The following DOCK9 variants were observed in gnomAD, a reference collection of about 807,000 sequenced individuals.
The protein encoded by DOCK9 is dedicator of cytokinesis 9, also known as dedicator of cytokinesis protein 9.
Under a neutral mutation model 263.3 loss-of-function variants are expected in DOCK9, and 89 were observed. The observed-to-expected ratio is 0.34, with a 90% CI of 0.28 to 0.40. The LOEUF (loss-of-function observed/expected upper bound fraction) is 0.40. DOCK9 is among the 10% of genes least tolerant of loss of function. The probability of loss-of-function intolerance (pLI) is 1.00; values close to 1 mark genes in which losing one functional copy is unlikely to be tolerated. For synonymous variants in DOCK9, 976 were observed against 973.1 expected (o/e 1.00, Z -0.06); for missense variants, 2,140 against 2,603.4 (o/e 0.82, Z 3.87).
chr13:98,821,109 T>C (rs543565818), intron 45 of DOCK9, among the ~76,000 whole-genome samples: 1 of 152,236 alleles, frequency 6.6e-6, no homozygotes, highest in African/African-American at 2.4e-5. Context: ...GAGGATCACC[T>C]GTACTTTCTA....
intron 1 of DOCK9, among the ~76,000 whole-genome samples, chr13:99,046,100 C>CAA (rs35917523): frequency 0.038 from 4,216 of 111,958 alleles, 108 homozygotes; most frequent in South Asian, 0.13. Context: ...GACTCAGTCT[C>CAA]AAAAAAAAAA....
intron 1 of DOCK9, among the ~76,000 whole-genome samples, chr13:99,084,448 C>A (rs540313552): frequency 5.3e-5 from 8 of 152,198 alleles, no homozygotes; most frequent in Non-Finnish European, 1.2e-4. Context: ...AAGACAACAG[C>A]CGGGCATCTG....
chr13:99,046,723 A>C (rs2040451857), intron 1 of DOCK9, among the ~76,000 whole-genome samples: 1 of 152,240 alleles, frequency 6.6e-6, no homozygotes, highest in Admixed American at 6.5e-5. Flanking sequence ...TTCAGAGTAT[A>C]AGCTCAGATG....
chr13:98,870,749 A>G (rs1246713568), intron 27 of DOCK9, among the ~76,000 whole-genome samples: 1 of 152,200 alleles, frequency 6.6e-6, no homozygotes, highest in African/African-American at 2.4e-5. Flanking sequence ...AACCTGAATC[A>G]AATTAAGTCT....
At chr13:98,821,764 A>T (rs1380317491) in intron 45 of DOCK9, among the ~76,000 whole-genome samples, 8 of 152,196 alleles carry the variant, frequency 5.3e-5, no homozygotes, top group African/African-American at 1.9e-4. Context: ...TGCCAATAAA[A>T]ACTCATCTGA....
intron 1 of DOCK9, among the ~76,000 whole-genome samples, chr13:99,021,780 C>T (rs1332109598): frequency 1.3e-5 from 2 of 151,868 alleles, no homozygotes; most frequent in African/African-American, 4.8e-5. Flanking sequence ...TGTTCTCATA[C>T]ATAAGTGGGA....
chr13:98,980,065 G>C (rs1449751736), upstream of DOCK9, among the ~76,000 whole-genome samples: 1 of 152,198 alleles, frequency 6.6e-6, no homozygotes, highest in Non-Finnish European at 1.5e-5. Context: ...TTGCTCTGTA[G>C]TCCAGGCTGA....
chr13:98,840,345 A>C (rs1271390592), intron 38 of DOCK9, among the ~76,000 whole-genome samples: 1 of 152,378 alleles, frequency 6.6e-6, no homozygotes, highest in Non-Finnish European at 1.5e-5. Flanking sequence ...GATTCGCTCC[A>C]GCCAGGCTCT....
At chr13:98,864,897 G>A (rs895555944) in intron 30 of DOCK9, among the ~76,000 whole-genome samples, 11 of 151,940 alleles carry the variant, frequency 7.2e-5, no homozygotes, top group South Asian at 2.1e-4. Flanking sequence ...AGAGTGTGGC[G>A]CCTCACTCCT....
intron 1 of DOCK9, chr13:99,015,597 A>G: frequency 6.3e-7 from 1 of 1,593,876 alleles, no homozygotes. Context: ...TCACACTAGT[A>G]GTGCAACCCA....
intron 2 of DOCK9, among the ~76,000 whole-genome samples, chr13:98,948,249 A>G (rs2056971306): frequency 6.6e-6 from 1 of 152,232 alleles, no homozygotes; most frequent in South Asian, 2.1e-4. Flanking sequence ...ATTTTTCTGT[A>G]CAATGCTGAG....
chr13:99,015,165 A>C (rs1232392576), intron 1 of DOCK9, among the ~76,000 whole-genome samples: 3 of 152,242 alleles, frequency 2.0e-5, no homozygotes, highest in Non-Finnish European at 4.4e-5. Flanking sequence ...TTCTAGGACT[A>C]TACCAAGAAC....
upstream of DOCK9, chr13:99,088,440 A>T (rs529923209): frequency 6.6e-6 from 1 of 152,228 alleles, no homozygotes; most frequent in African/African-American, 2.4e-5. Context: ...TTCTCATTTG[A>T]ACTGTTGACA....
At chr13:98,832,011 T>G in intron 39 of DOCK9, 2 of 544,102 alleles carry the variant, frequency 3.7e-6, no homozygotes, top group Non-Finnish European at 6.4e-6. Context: ...ACTAACAGAG[T>G]TGAAAGGAAC....
intron 4 of DOCK9, among the ~76,000 whole-genome samples, chr13:98,924,460 C>T (rs2052594945): frequency 1.3e-5 from 2 of 152,194 alleles, no homozygotes; most frequent in Non-Finnish European, 1.5e-5. Flanking sequence ...TATTTGCTTT[C>T]AATTTTCCCA....
intron 9 of DOCK9, among the ~76,000 whole-genome samples, chr13:98,911,768 G>A (rs907249462): frequency 2.7e-5 from 4 of 150,854 alleles, no homozygotes; most frequent in African/African-American, 9.8e-5. Flanking sequence ...ATGGTGGCAG[G>A]TGCCACCAAA....
At chr13:98,947,273 C>T (rs1282883502) in intron 2 of DOCK9, among the ~76,000 whole-genome samples, 1 of 152,096 alleles carries the variant, frequency 6.6e-6, no homozygotes, top group Non-Finnish European at 1.5e-5. Flanking sequence ...TTTATGATTC[C>T]AAGCACCTCA....
intron 19 of DOCK9, among the ~76,000 whole-genome samples, chr13:98,886,103 C>A (rs2045652904): frequency 6.6e-6 from 1 of 152,122 alleles, no homozygotes; most frequent in Non-Finnish European, 1.5e-5. Context: ...GTTACCACAG[C>A]CAAGGCATTA....
chr13:98,949,530 T>C (rs1222245439), intron 2 of DOCK9, among the ~76,000 whole-genome samples: 1 of 152,168 alleles, frequency 6.6e-6, no homozygotes, highest in Non-Finnish European at 1.5e-5. Flanking sequence ...ACATTGGAAT[T>C]TTTCCTTGGA....
Sources: gnomAD v4.1 joint callset for allele counts (sites outside exome capture counted in the v4.1 genomes callset) on GRCh38, gnomAD v4.1.1 for gene constraint, MANE v1.5 for transcripts, NCBI Gene and HGNC (gene_info 2026-07-23, HGNC 2026-07-21) for gene names.